The following OPCML variants were observed in gnomAD, a reference collection of about 807,000 sequenced individuals.
OPCML encodes the protein opioid-binding protein/cell adhesion molecule.
A neutral mutation model predicts 37.8 loss-of-function variants in OPCML; 13 were observed. The ratio of observed to expected loss-of-function variants is 0.34; its 90% CI spans 0.22 to 0.55. The LOEUF is 0.55. OPCML is among the 20% of genes least tolerant of loss of function. OPCML has a pLI of 0.91. For synonymous variants in OPCML, 176 were observed against 168.8 expected (o/e 1.04, Z -0.33); for missense variants, 341 against 435.6 (o/e 0.78, Z 1.93).
chr11:132,633,900 G>A (rs1031454079), intron 3 of OPCML, among the ~76,000 whole-genome samples: 1 of 151,482 alleles, frequency 6.6e-6, no homozygotes, highest in African/African-American at 2.4e-5. Context: ...GAAATCGGGG[G>A]TGGGAGGCTG....
At chr11:132,868,843 G>A (rs1025872393) in intron 2 of OPCML, among the ~76,000 whole-genome samples, 1 of 152,152 alleles carries the variant, frequency 6.6e-6, no homozygotes, top group Non-Finnish European at 1.5e-5. Context: ...GACTTTGAGG[G>A]CAGGAAGTGC....
At chr11:133,034,464 A>G (rs1210079605) in intron 1 of OPCML, among the ~76,000 whole-genome samples, 1 of 152,192 alleles carries the variant, frequency 6.6e-6, no homozygotes, top group Non-Finnish European at 1.5e-5. Context: ...TGCTTATGAA[A>G]TGTAAAGGTT....
intron 1 of OPCML, among the ~76,000 whole-genome samples, chr11:133,383,344 A>G (rs1488202456): frequency 6.6e-6 from 1 of 152,152 alleles, no homozygotes; most frequent in Non-Finnish European, 1.5e-5. Context: ...TACGACAGGA[A>G]TCTGATCACA....
intron 1 of OPCML, among the ~76,000 whole-genome samples, chr11:133,221,870 C>T (rs909433676): frequency 1.3e-5 from 2 of 152,156 alleles, no homozygotes; most frequent in Admixed American, 6.5e-5. Flanking sequence ...CAACAATTCT[C>T]GATTATCAGA....
chr11:132,912,794 C>G (rs928581080), intron 2 of OPCML, among the ~76,000 whole-genome samples: 4 of 152,316 alleles, frequency 2.6e-5, no homozygotes, highest in Non-Finnish European at 5.9e-5. Flanking sequence ...GCTGGAATGA[C>G]TGGTTAATAC....
At chr11:133,479,529 G>C (rs76905021) in intron 1 of OPCML, among the ~76,000 whole-genome samples, 7,048 of 152,274 alleles carry the variant, frequency 0.046, 267 homozygotes, top group South Asian at 0.12. Context: ...AAGAGCCCTC[G>C]CAGAACAGAC....
rs889742387 is a variant in OPCML, at chr11:133,350,011, C to T, written c.61+182253G>A. 8.5e-5 allele frequency among the ~76,000 whole-genome samples: 13 copies of T among 152,304 alleles called. No homozygotes were observed. The East Asian group carries it at 1.2e-3, about 14-fold the overall frequency. On this transcript the variant is annotated intron_variant, in intron 1 of 7. Coordinates refer to ENST00000524381, the MANE Select transcript of OPCML (RefSeq NM_001012393.5). ...AGATATGAAGCAGTGAATACCATCGCGGGCTGCAGAGGAGCCCACAGAGCC... is the reference window on the plus strand; with the variant it reads ...AGATATGAAGCAGTGAATACCATCGTGGGCTGCAGAGGAGCCCACAGAGCC...
chr11:132,789,346 A>C (rs1466614987), intron 2 of OPCML, among the ~76,000 whole-genome samples: 2 of 152,250 alleles, frequency 1.3e-5, no homozygotes, highest in Non-Finnish European at 2.9e-5. Flanking sequence ...ATCTTAACAG[A>C]AAGTTATAAC....
chr11:132,841,167 C>T (rs1489229843), intron 2 of OPCML, among the ~76,000 whole-genome samples: 1 of 152,214 alleles, frequency 6.6e-6, no homozygotes, highest in East Asian at 1.9e-4. Flanking sequence ...ATGCTGCAAG[C>T]AATTATCCAA....
chr11:133,485,685 G>T (rs1947511429), intron 1 of OPCML, among the ~76,000 whole-genome samples: 1 of 152,040 alleles, frequency 6.6e-6, no homozygotes, highest in East Asian at 1.9e-4. Context: ...CATTATTCTG[G>T]GTTCCATATA....
intron 1 of OPCML, among the ~76,000 whole-genome samples, chr11:132,960,750 G>T (rs190570661): frequency 6.6e-6 from 1 of 152,204 alleles, no homozygotes; most frequent in East Asian, 1.9e-4. Context: ...CCACCCTTTG[G>T]CAATGTGCGC....
At chr11:133,323,285 G>A (rs1943375441) in intron 1 of OPCML, among the ~76,000 whole-genome samples, 1 of 152,164 alleles carries the variant, frequency 6.6e-6, no homozygotes, top group African/African-American at 2.4e-5. Flanking sequence ...TTGGATTTCT[G>A]GAGAGTCTCC....
intron 1 of OPCML, among the ~76,000 whole-genome samples, chr11:133,519,573 A>G (rs1591593476): frequency 1.3e-5 from 2 of 148,898 alleles, no homozygotes; most frequent in East Asian, 3.9e-4. Context: ...TTACCAGGGG[A>G]AAAAAAGCTA....
chr11:133,261,421 T>C (rs1941491995), intron 1 of OPCML, among the ~76,000 whole-genome samples: 1 of 152,204 alleles, frequency 6.6e-6, no homozygotes, highest in South Asian at 2.1e-4. Context: ...AACACAATCA[T>C]GATCTCTTCA....
intron 4 of OPCML, among the ~76,000 whole-genome samples, chr11:132,459,987 A>G (rs2096095536): frequency 6.6e-6 from 1 of 152,170 alleles, no homozygotes; most frequent in Admixed American, 6.5e-5. Flanking sequence ...GTTGAGTTAT[A>G]TGTCAGTTGT....
intron 2 of OPCML, among the ~76,000 whole-genome samples, chr11:132,908,893 G>A (rs964169760): frequency 1.3e-5 from 2 of 152,216 alleles, no homozygotes; most frequent in Non-Finnish European, 2.9e-5. Flanking sequence ...ATTGAGGCTT[G>A]CAGTGGACTG....
chr11:132,942,932 G>C lies in OPCML; in HGVS notation c.140C>G (p.Thr47Ser). The change falls in exon 2 of 8, where the codon ACC (threonine) becomes AGC (serine). Residue 47 changes from threonine to serine, a missense_variant. Thr to Ser is a moderately conservative substitution (Grantham distance 58, BLOSUM62 1). Transcript: ENST00000524381. Reference sequence around the variant, plus strand: ...CGGAAGGACAGCTCCCTACCTGAGGGTGGCGCTCTCCCCCTGCCGGACCGT... The same window carrying C: ...CGGAAGGACAGCTCCCTACCTGAGGCTGGCGCTCTCCCCCTGCCGGACCGT... ...NVTVRQGESA[T>S]LRCTIDDRVT... The C allele has an allele frequency of 5.6e-6, 9 of 1,614,038 alleles. No individual in the cohort carries two copies. Among genetic ancestry groups the C allele is most frequent in the Non-Finnish European group, 7.6e-6 (9 of 1,179,968 alleles).
chr11:132,562,850 A>T (rs975330382), intron 3 of OPCML, among the ~76,000 whole-genome samples: 2 of 152,208 alleles, frequency 1.3e-5, no homozygotes, highest in Admixed American at 1.3e-4. Flanking sequence ...TAAAATAAAA[A>T]GCAGGCAAAG....
intron 3 of OPCML, among the ~76,000 whole-genome samples, chr11:132,633,791 G>A (rs1446866028): frequency 6.6e-6 from 1 of 152,098 alleles, no homozygotes; most frequent in Non-Finnish European, 1.5e-5. Flanking sequence ...AGTGTTACTT[G>A]GTAGAGTTTC....
Sources: gnomAD v4.1 joint callset for allele counts (sites outside exome capture counted in the v4.1 genomes callset) on GRCh38, gnomAD v4.1.1 for gene constraint, MANE v1.5 for transcripts, NCBI Gene and HGNC (gene_info 2026-07-23, HGNC 2026-07-21) for gene names.